AMPD1: variants seen among roughly 807,000 people sequenced by gnomAD.
AMPD1 encodes the protein AMP deaminase 1.
A neutral mutation model predicts 82.9 loss-of-function variants in AMPD1; 74 were observed. The ratio of observed to expected loss-of-function variants is 0.89; its 90% CI spans 0.74 to 1.08. The LOEUF is 1.08. AMPD1 is among the 50% of genes least tolerant of loss of function. The pLI is 0.00. For synonymous variants in AMPD1, 333 were observed against 320.5 expected, an observed-to-expected ratio of 1.04 and a Z score of -0.42; for missense variants, 881 against 924.5, an observed-to-expected ratio of 0.95 and a Z score of 0.61.
At chr1:114,679,788 C>T in intron 6 of AMPD1, 80 bp from the exon 7 acceptor site, 1 of 1,488,908 alleles carries the variant, frequency 6.7e-7, no homozygotes, top group Non-Finnish European at 9.4e-7. Context: ...ACTATCAGGA[C>T]CTTTATCATT....
At chr1:114,673,559 T>A in intron 15 of AMPD1, 80 bp downstream of exon 15, 2 of 1,157,210 alleles carry the variant, frequency 1.7e-6, no homozygotes, top group Non-Finnish European at 2.6e-6. Flanking sequence ...TTTTTCTACA[T>A]GTGTTTCCCA....
At chr1:114,676,564 A>G (rs190468053) in intron 10 of AMPD1, among the ~76,000 whole-genome samples, 45 of 152,338 alleles carry the variant, frequency 3.0e-4, no homozygotes, top group African/African-American at 9.1e-4. Context: ...ACACAGCTAA[A>G]TGGTTGTGTT....
Position 114,677,455 on chromosome 1 carries a change from G to A in AMPD1, c.1284C>T (p.Ile428=). The A allele has an allele frequency of 6.2e-7, 1 of 1,613,128 alleles. No individual in the cohort carries two copies. Among genetic ancestry groups the A allele is most frequent in the Non-Finnish European group, 8.5e-7 (1 of 1,179,872 alleles). ...TCCACTCATCAGGACTGCGGCCATA[G>A]ATGGACAGGCGGGGCTCAGCATGCT... The part of the protein sequence containing the change: ...KYQHAEPRLS[I]YGRSPDEWSK... The change falls in exon 10 of 16, where the codon ATC becomes ATT. Residue 428 remains isoleucine (I), a synonymous_variant. Transcript: ENST00000520113.
Position 114,674,003 on chromosome 1 carries a change from A to C in AMPD1, c.1880T>G (p.Leu627Arg). 2 of 1,614,064 alleles carry C rather than the reference A, an allele frequency of 1.2e-6. No homozygotes were observed. The highest frequency in any genetic ancestry group is 1.7e-6 in the Non-Finnish European group (2 of 1,179,912). ...CAAAAAAGGATTTTTGGCATACTCTAGAAATAGGCTATTGTTACTTAGTGG... is the reference window on the plus strand; with the variant it reads ...CAAAAAAGGATTTTTGGCATACTCTCGAAATAGGCTATTGTTACTTAGTGG... ...MSPLSNNSLFLEYAKNPFLDF... is the reference protein window; with the variant it reads ...MSPLSNNSLFREYAKNPFLDF... The change falls in exon 14 of 16, where the codon CTA becomes CGA. Residue 627 changes from leucine (L) to arginine (R), a missense_variant. Transcript: ENST00000520113.
At chr1:114,676,726 T>C (rs1657993549) in intron 10 of AMPD1, among the ~76,000 whole-genome samples, 1 of 152,186 alleles carries the variant, frequency 6.6e-6, no homozygotes, top group East Asian at 1.9e-4. Flanking sequence ...ATGAAACTCT[T>C]GCATTGCAGT....
At position 114,680,570 on chromosome 1, in the gene AMPD1, T is replaced by G. The variant is rs1271794864; in HGVS notation, c.548-92A>C. The G allele has an allele frequency of 4.8e-6, 5 of 1,046,690 alleles. No homozygotes were observed. The Admixed American group carries it at 5.3e-5, about 11-fold the overall frequency. 64.8% of individuals were successfully genotyped at this position (1,046,690 alleles called of 1,614,324 possible). ...AATGTGAAATACTACAACATCTCAT[T>G]AGCTTGGAATCCGGTACTTAAGTTG... is the stretch of plus-strand genomic sequence containing the variant. On this transcript the variant is annotated intron_variant, in intron 5 of 15. Coordinates refer to ENST00000520113, the MANE Select transcript of AMPD1 (RefSeq NM_000036.3).
At chr1:114,678,710 C>T (rs757009837) in intron 7 of AMPD1, among the ~76,000 whole-genome samples, 183 bp from the exon 8 acceptor site, 1 of 152,198 alleles carries the variant, frequency 6.6e-6, no homozygotes, top group Non-Finnish European at 1.5e-5. Flanking sequence ...CGTGCCCATG[C>T]AAGGATGTGA....
intron 5 of AMPD1, chr1:114,683,025 T>G (rs1408789438): frequency 1.0e-5 from 3 of 286,592 alleles, no homozygotes; most frequent in African/African-American, 6.8e-5. Flanking sequence ...GAAATTTAAT[T>G]GCCTAAAAAT....
chr1:114,684,201 G>A lies in AMPD1; in HGVS notation c.545C>T (p.Pro182Leu), dbSNP rs747643618. ...EAWVANESFYPVFTPPVKKGE... is the reference protein window; with the variant it reads ...EAWVANESFYLVFTPPVKKGE... ...ACATTATGTAAGAGAATTGTTACCT[G>A]GATAGAAGCTCTCATTTGCTACCCA... The change falls in exon 5 of 16, where the codon CCA (proline) becomes CTA (leucine). Residue 182 changes from proline to leucine, a missense_variant and splice_region_variant. By Grantham distance (98) the Pro-to-Leu change is moderately conservative (BLOSUM62 -3). Transcript: ENST00000520113. 8.5e-5 allele frequency: 137 copies of A among 1,613,952 alleles called. 1 individual carries two copies. In the East Asian group the frequency reaches 3.0e-3, roughly 35 times the overall value.
Position 114,678,367 on chromosome 1 carries a change from TA to T in AMPD1, c.1057del (p.Tyr353MetfsTer3). ...ELFAKLKMHP[Y>X]DLTVDSLDVH... ...ATCCAGAGAATCAACAGTCAGGTCA[TA>T]AGGATGCATTTTTAATTTAGCAAAA... On this transcript the variant is annotated frameshift_variant, in exon 8 of 16. Transcript: ENST00000520113. LOFTEE classifies it high-confidence loss of function. 6.2e-7 allele frequency: 1 copy of T among 1,614,212 alleles called. No homozygotes were observed. The highest frequency in any genetic ancestry group is 8.5e-7 in the Non-Finnish European group (1 of 1,180,044).
intron 10 of AMPD1, chr1:114,676,394 G>T (rs1216337169): frequency 7.3e-6 from 2 of 272,160 alleles, no homozygotes; most frequent in Non-Finnish European, 1.4e-5. Context: ...AACAAACTCT[G>T]ATATAGCATT....
At chr1:114,681,862 A>T (rs1658169629) in intron 5 of AMPD1, among the ~76,000 whole-genome samples, 2 of 152,292 alleles carry the variant, frequency 1.3e-5, no homozygotes, top group South Asian at 4.1e-4. Flanking sequence ...TCCCCTAAGA[A>T]TCCTCTGTGC....
At chr1:114,676,241 C>T (rs190533946) in intron 10 of AMPD1, 5 of 482,722 alleles carry the variant, frequency 1.0e-5, no homozygotes, top group Non-Finnish European at 1.9e-5. Context: ...TTTTACAAAC[C>T]TTTGTCATAA....
intron 14 of AMPD1, 47 bp downstream of exon 14, chr1:114,673,862 C>T: frequency 6.2e-7 from 1 of 1,604,214 alleles, no homozygotes; most frequent in Non-Finnish European, 8.5e-7. Flanking sequence ...GGACGGGAAA[C>T]AACAGTCCAG....
chr1:114,687,659 G>A (rs540617778), intron 3 of AMPD1, among the ~76,000 whole-genome samples: 2 of 152,310 alleles, frequency 1.3e-5, no homozygotes, highest in South Asian at 2.1e-4. Context: ...GTGGCTGGTA[G>A]TGAATCCTAG....
At chr1:114,677,247 G>A in intron 10 of AMPD1, 104 bp downstream of exon 10, 1 of 1,500,520 alleles carries the variant, frequency 6.7e-7, no homozygotes, top group Non-Finnish European at 9.2e-7. Flanking sequence ...TTTTAACAAA[G>A]CTGATTTATT....
intron 9 of AMPD1, 56 bp downstream of exon 9, chr1:114,677,854 T>TTCCTTCCTTCCTTCA: frequency 9.0e-7 from 1 of 1,105,908 alleles, no homozygotes. Context: ...TCCTTCCTTC[T>TTCCTTCCTTCCTTCA]TCCCTTTCCT....
intron 13 of AMPD1, 33 bp from the exon 14 acceptor site, chr1:114,674,115 T>C: frequency 6.3e-7 from 1 of 1,593,744 alleles, no homozygotes; most frequent in Non-Finnish European, 8.6e-7. Context: ...TATTTAAAGA[T>C]GTTGAAAAAG....
chr1:114,694,910 AAT>A (rs1172477409), intron 1 of AMPD1, among the ~76,000 whole-genome samples: 2 of 152,198 alleles, frequency 1.3e-5, no homozygotes, highest in East Asian at 1.9e-4. Context: ...TTTCAAAACG[AAT>A]GTTTATTACT....
Sources: allele counts gnomAD v4.1 joint callset (sites outside exome capture counted in the v4.1 genomes callset), GRCh38; gene constraint gnomAD v4.1.1; transcripts MANE v1.5; gene names NCBI Gene and HGNC (gene_info 2026-07-23, HGNC 2026-07-21).